Variants in EIF4G2 observed in about 807,000 individuals in gnomAD.
The protein encoded by EIF4G2 is eukaryotic translation initiation factor 4 gamma 2, also known as DAP-5.
In EIF4G2, 8 loss-of-function variants were observed where a neutral mutation model predicts 117.7. That is an observed-to-expected ratio of 0.07 (90% CI 0.04 to 0.12). The LOEUF is 0.12. Among genes scored for constraint, EIF4G2 ranks in the 10% least tolerant of loss-of-function variants. EIF4G2 has a pLI of 1.00. For synonymous variants in EIF4G2, 413 were observed against 367.8 expected, an observed-to-expected ratio of 1.12 and a Z score of -1.41; for missense variants, 812 against 1,086.2, an observed-to-expected ratio of 0.75 and a Z score of 3.55.
At position 10,803,440 on chromosome 11, in the gene EIF4G2, GAC is replaced by G. The variant is rs1847482064; in HGVS notation, c.813+38_813+39del. On this transcript the variant is annotated intron_variant, in intron 9 of 21. Transcript: ENST00000339995. This position sits in a 1 kb window ranked among gnomAD's most constrained non-coding sequence, Gnocchi z 4.0. ...ACAAAAATCAATAGCTTGATTTAAA[GAC>G]AAACTACTTGTACTACTTTCATCAG... is the stretch of plus-strand genomic sequence containing the variant. The G allele has an allele frequency of 5.7e-6, 9 of 1,588,068 alleles. No individual in the cohort carries two copies. The highest frequency in any genetic ancestry group is 7.8e-6 in the Non-Finnish European group (9 of 1,157,706).
chr11:10,807,592 A>G, intron 1 of EIF4G2: 1 of 1,202,180 alleles, frequency 8.3e-7, no homozygotes, highest in Non-Finnish European at 1.0e-6. Flanking sequence ...GACTTCGTAG[A>G]ACACAAGAGC....
intron 1 of EIF4G2, chr11:10,807,657 A>C (rs1425207659): frequency 1.6e-5 from 17 of 1,039,774 alleles, no homozygotes; most frequent in Non-Finnish European, 2.0e-5. Flanking sequence ...ACTATCTTTA[A>C]AACTGAGCAC....
chr11:10,803,141 A>G lies in EIF4G2; in HGVS notation c.898-13T>C. On this transcript the variant is annotated splice_polypyrimidine_tract_variant and intron_variant, in intron 10 of 21. Coordinates refer to ENST00000339995, the MANE Select transcript of EIF4G2 (RefSeq NM_001418.4). This position sits in a 1 kb window ranked among gnomAD's most constrained non-coding sequence, Gnocchi z 4.0. ...ACTCTACGGTATCCTTTAATTGAAA[A>G]ATAATTTTATTTTAATATTCCTAAA... 6.2e-7 allele frequency: 1 copy of G among 1,603,288 alleles called. No individual in the cohort carries two copies. The highest frequency in any genetic ancestry group is 8.5e-7 in the Non-Finnish European group (1 of 1,176,218).
intron 1 of EIF4G2, chr11:10,808,016 C>A: frequency 9.7e-7 from 1 of 1,032,798 alleles, no homozygotes; most frequent in Non-Finnish European, 1.2e-6. Context: ...AACCTCCCCG[C>A]GAGGCCCGGG....
In EIF4G2 at chr11:10,800,635, T is replaced by A; in HGVS notation, c.1657A>T (p.Thr553Ser). Reference sequence around the variant, plus strand: ...GCATTTCCACTATTTAGATATTCAGTCACAACAGTTTCCTGTGAAGAACAC... The same window carrying A: ...GCATTTCCACTATTTAGATATTCAGACACAACAGTTTCCTGTGAAGAACAC... The change falls in exon 17 of 22, where the codon ACT becomes TCT. Residue 553 changes from threonine to serine, a missense_variant. By Grantham distance (58) the Thr-to-Ser change is moderately conservative. Transcript: ENST00000339995. 1 of 1,614,170 alleles carries A rather than the reference T, an allele frequency of 6.2e-7. No homozygotes were observed. Among genetic ancestry groups the A allele is most frequent in the Non-Finnish European group, 8.5e-7 (1 of 1,180,026 alleles).
At chr11:10,804,662 A>G (rs1034757988) in intron 5 of EIF4G2, 3 of 606,244 alleles carry the variant, frequency 4.9e-6, no homozygotes, top group Non-Finnish European at 8.4e-6. Context: ...TTTTCCACAA[A>G]AGAAAAAGAA....
rs1284567185 is a variant in EIF4G2, at chr11:10,806,810, T to G, written c.107+10A>C. 6.2e-7 allele frequency: 1 copy of G among 1,613,932 alleles called. No individual in the cohort carries two copies. Among genetic ancestry groups the G allele is most frequent in the Non-Finnish European group, 8.5e-7 (1 of 1,179,890 alleles). ...ATAAAGCTCACTGTTTTTTTACATG[T>G]TTACCACACCTGTTGCCAGCAGTCT... On this transcript the variant is annotated intron_variant, in intron 3 of 21. Coordinates refer to ENST00000339995, the MANE Select transcript of EIF4G2 (RefSeq NM_001418.4).
rs1847300949 is a variant in EIF4G2, at chr11:10,797,826, T to TCTTC, written c.2710_2713dup (p.Glu905GlyfsTer4). 6.2e-7 allele frequency: 1 copy of TCTTC among 1,613,948 alleles called. No homozygotes were observed. The highest frequency in any genetic ancestry group is 8.5e-7 in the Non-Finnish European group (1 of 1,180,002). ...GCTTTGGCTGGTTCTTTAGTCAGCT[T>TCTTC]CTTCCTCTGATTCTTCTTCTTCAGC... is the stretch of plus-strand genomic sequence containing the variant. On this transcript the variant is annotated frameshift_variant, in exon 22 of 22. Coordinates refer to ENST00000339995, the MANE Select transcript of EIF4G2 (RefSeq NM_001418.4). LOFTEE classifies it high-confidence loss of function. This position sits in a 1 kb window ranked among gnomAD's most constrained non-coding sequence, Gnocchi z 4.5.
At chr11:10,807,233 C>T in intron 2 of EIF4G2, 22 bp downstream of exon 2, 1 of 1,602,006 alleles carries the variant, frequency 6.2e-7, no homozygotes, top group Non-Finnish European at 8.5e-7. Context: ...AAAAGGATTC[C>T]CCAAAATAAA....
rs1362252627 is a variant in EIF4G2 at position 10,800,362 on chromosome 11, T to C, written c.1861-14A>G. 1.2e-6 allele frequency: 2 copies of C among 1,613,108 alleles called. No individual in the cohort carries two copies. The highest frequency in any genetic ancestry group is 1.7e-5 in the Admixed American group (1 of 59,970). On this transcript the variant is annotated splice_polypyrimidine_tract_variant and intron_variant, in intron 17 of 21. Transcript: ENST00000339995. ...ATTCAGGAAAGCCTTGAAAGAAATATACAACAGTTTATCAGTTTTCGAATT... is the reference window on the plus strand; with the variant it reads ...ATTCAGGAAAGCCTTGAAAGAAATACACAACAGTTTATCAGTTTTCGAATT...
rs776426378 is a variant in EIF4G2 at position 10,803,877 on chromosome 11, C to A, written c.702+22G>T. On this transcript the variant is annotated intron_variant, in intron 8 of 21. Transcript: ENST00000339995. This position sits in a 1 kb window ranked among gnomAD's most constrained non-coding sequence, Gnocchi z 4.0. ...CCTCCAAACGACTGACTACATTCGC[C>A]TAACTTCCCTGTCACACTTACTGTT... 6 of 1,599,452 alleles carry A rather than the reference C, an allele frequency of 3.8e-6. No homozygotes were observed. Among genetic ancestry groups the A allele is most frequent in the Non-Finnish European group, 5.1e-6 (6 of 1,170,104 alleles).
intron 18 of EIF4G2, 145 bp downstream of exon 18, chr11:10,799,944 TC>T (rs879502960): frequency 1.6e-4 from 183 of 1,156,186 alleles, no homozygotes; most frequent in Non-Finnish European, 2.2e-4. Flanking sequence ...TATAAATCTC[TC>T]TTTATAGGTG....
At chr11:10,798,096 T>C (rs1847309540) in intron 21 of EIF4G2, among the ~76,000 whole-genome samples, 2 of 152,200 alleles carry the variant, frequency 1.3e-5, no homozygotes, top group Admixed American at 1.3e-4. Context: ...TCGTGAATCT[T>C]GTTTATCATC....
intron 1 of EIF4G2, 105 bp downstream of exon 1, chr11:10,808,600 C>T: frequency 1.3e-6 from 1 of 768,124 alleles, no homozygotes; most frequent in Non-Finnish European, 1.7e-6. Flanking sequence ...GTCGCCCCAC[C>T]CGGCTCCGCC....
chr11:10,802,283 T>C lies in EIF4G2; in HGVS notation c.1138+11A>G, dbSNP rs1847445144. On this transcript the variant is annotated intron_variant, in intron 12 of 21. Coordinates refer to ENST00000339995, the MANE Select transcript of EIF4G2 (RefSeq NM_001418.4). The stretch of plus-strand genomic sequence containing the variant: ...TTCAGCTTAACGCAACCATTGTTTT[T>C]TCAAAATTACCTGGCATTTGTCCAA... The C allele has an allele frequency of 6.2e-7, 1 of 1,611,680 alleles. No homozygotes were observed. The highest frequency in any genetic ancestry group is 8.5e-7 in the Non-Finnish European group (1 of 1,178,834).
In EIF4G2 at chr11:10,800,566, G is replaced by T; in HGVS notation, c.1726C>A (p.His576Asn). ...TTGCTTAACATCTCAGGAAGAAAGT[G>T]TTTAGGAGCCCTCATTTCTCTTACA... The change falls in exon 17 of 22, where the codon CAC (histidine) becomes AAC (asparagine). Residue 576 changes from histidine (H) to asparagine (N), a missense_variant. Around this residue, in one of 4 missense-constraint regions of EIF4G2, gnomAD observed 571 missense variants for 642.3 expected, o/e 0.89. Coordinates refer to ENST00000339995, the MANE Select transcript of EIF4G2 (RefSeq NM_001418.4). The T allele has an allele frequency of 6.2e-7, 1 of 1,614,120 alleles. No homozygotes were observed. Among genetic ancestry groups the T allele is most frequent in the Non-Finnish European group, 8.5e-7 (1 of 1,180,018 alleles).
In EIF4G2 at chr11:10,803,418, A is replaced by G; in HGVS notation, c.813+62T>C. 6.4e-7 allele frequency: 1 copy of G among 1,569,630 alleles called. No homozygotes were observed. Among genetic ancestry groups the G allele is most frequent in the Non-Finnish European group, 8.8e-7 (1 of 1,141,588 alleles). On this transcript the variant is annotated intron_variant, in intron 9 of 21. Coordinates refer to ENST00000339995, the MANE Select transcript of EIF4G2 (RefSeq NM_001418.4). The surrounding 1 kb of genome is among the most constrained non-coding windows in gnomAD (Gnocchi z 4.0). Reference sequence around the variant, plus strand: ...TATGGCAATCCCTTATGATGTCACAAAAATCAATAGCTTGATTTAAAGACA... The same window carrying G: ...TATGGCAATCCCTTATGATGTCACAGAAATCAATAGCTTGATTTAAAGACA...
chr11:10,800,613 T>C lies in EIF4G2; in HGVS notation c.1679A>G (p.Asn560Ser), dbSNP rs1450157291. The change falls in exon 17 of 22, where the codon AAT becomes AGT. Residue 560 changes from asparagine to serine, a missense_variant. Transcript: ENST00000339995. Reference sequence around the variant, plus strand: ...TACACCATTGACAGCCTCATTTGCATTTCCACTATTTAGATATTCAGTCAC... The same window carrying C: ...TACACCATTGACAGCCTCATTTGCACTTCCACTATTTAGATATTCAGTCAC... The C allele has an allele frequency of 2.5e-6, 4 of 1,614,080 alleles. No homozygotes were observed. In the Admixed American group the frequency reaches 5.0e-5, roughly 20 times the overall value.
At chr11:10,808,204 A>C (rs1847648224) in intron 1 of EIF4G2, 2 of 1,124,166 alleles carry the variant, frequency 1.8e-6, no homozygotes, top group Non-Finnish European at 2.2e-6. Flanking sequence ...TGCTGACAAA[A>C]GGGGCAGAAA....
Sources: allele counts gnomAD v4.1 joint callset (sites outside exome capture counted in the v4.1 genomes callset), GRCh38; gene constraint gnomAD v4.1.1; regional missense constraint gnomAD v4.1.1; non-coding constraint Gnocchi (gnomAD v3.1); transcripts MANE v1.5; gene names NCBI Gene and HGNC (gene_info 2026-07-23, HGNC 2026-07-21).